The following P2RX5 variants were observed in gnomAD, a reference collection of about 807,000 sequenced individuals.
P2RX5 encodes P2X purinoceptor 5.
A neutral mutation model predicts 54.1 loss-of-function variants in P2RX5; 46 were observed. The observed-to-expected ratio is 0.85, with a 90% CI of 0.67 to 1.09. The LOEUF (loss-of-function observed/expected upper bound fraction) is 1.09, where lower values mean the gene tolerates loss of function less well. P2RX5 is among the 50% of genes least tolerant of loss of function. The pLI is 0.00. For synonymous variants in P2RX5, 226 were observed against 226.4 expected (o/e 1.00, Z 0.02); for missense variants, 566 against 549.8 (o/e 1.03, Z -0.29).
At chr17:3,692,712 C>T (rs1232815084) in intron 1 of P2RX5, among the ~76,000 whole-genome samples, 1 of 151,776 alleles carries the variant, frequency 6.6e-6, no homozygotes, top group Non-Finnish European at 1.5e-5. Context: ...CATGGTGGCA[C>T]CAGCCTGTCG....
Position 3,690,658 on chromosome 17 carries a change from G to A in P2RX5, c.383C>T (p.Ala128Val), listed in dbSNP as rs374084034. The change falls in exon 4 of 12, where the codon GCG (alanine) becomes GTG (valine). Residue 128 changes from alanine to valine, a missense_variant. Coordinates refer to ENST00000225328, the MANE Select transcript of P2RX5 (RefSeq NM_002561.4). The stretch of plus-strand genomic sequence containing the variant: ...GTGGCAGTCGCTGTCCTTGGAGCAC[G>A]CGCCATCAGGAATGCCTTCATTCTG... ...CAENEGIPDG[A>V]CSKDSDCHAG... is the part of the protein sequence containing the mutation. 4.2e-5 allele frequency: 67 copies of A among 1,613,158 alleles called. No homozygotes were observed. The highest frequency in any genetic ancestry group is 2.0e-4 in the South Asian group (18 of 91,090).
intron 11 of P2RX5, chr17:3,675,245 G>C (rs1384967837): frequency 2.1e-6 from 1 of 471,492 alleles, no homozygotes; most frequent in Non-Finnish European, 2.8e-6. Context: ...TCACCATGTT[G>C]CCCAGGCTGT....
the P2RX5 span, chr17:3,720,574 C>A: frequency 2.3e-6 from 1 of 437,690 alleles, no homozygotes; most frequent in Non-Finnish European, 4.0e-6. Flanking sequence ...TGCAGTTATT[C>A]TTCAACTTCC....
chr17:3,695,256 T>C (rs2050724854), intron 1 of P2RX5, among the ~76,000 whole-genome samples: 1 of 152,150 alleles, frequency 6.6e-6, no homozygotes, highest in Non-Finnish European at 1.5e-5. Context: ...CGCCAGCTCC[T>C]GCCAGGTGGC....
intron 9 of P2RX5, chr17:3,682,822 C>T (rs1449581512): frequency 6.6e-6 from 1 of 151,992 alleles, no homozygotes; most frequent in Non-Finnish European, 1.5e-5. Flanking sequence ...GCCAGGAGTT[C>T]GAGACCAGCC....
Position 3,690,397 on chromosome 17 carries a change from C to T in P2RX5, c.533+30G>A, listed in dbSNP as rs777363981. 4 of 1,552,362 alleles carry T rather than the reference C, an allele frequency of 2.6e-6. No individual in the cohort carries two copies. In the African/African-American group the frequency reaches 5.4e-5, roughly 21 times the overall value. ...ACCCACCGCACGGGGCTGGGAAACC[C>T]CTCAGGGTCCTGAGGCTGCAGCCAC... On this transcript the variant is annotated intron_variant, in intron 5 of 11. Transcript: ENST00000225328.
chr17:3,717,153 C>CT, the P2RX5 span: 3 of 201,076 alleles, frequency 1.5e-5, no homozygotes, highest in Non-Finnish European at 1.0e-5. Context: ...CTACACTGCT[C>CT]TATGTCCCTG....
In P2RX5 at chr17:3,679,860, TGAA is replaced by T; in HGVS notation, c.1065-79_1065-77del. 3.1e-6 allele frequency: 4 copies of T among 1,304,354 alleles called. No individual in the cohort carries two copies. In the South Asian group the frequency reaches 4.8e-5, roughly 16 times the overall value. The allele number at this position is 1,304,354 out of a possible 1,614,324, so 80.8% of individuals were successfully genotyped here. ...CCTCCTAGACGGGCGGAGTGGGCCTTGAAGAATCCCTCGCCCTGCAGGCCGCCA... is the reference window on the plus strand; with the variant it reads ...CCTCCTAGACGGGCGGAGTGGGCCTTGAATCCCTCGCCCTGCAGGCCGCCA... On this transcript the variant is annotated intron_variant, in intron 10 of 11. Transcript: ENST00000225328.
rs1050281 is a variant in P2RX5 at position 3,689,536 on chromosome 17, C to T, written c.709G>A (p.Val237Met). ...HYCPIFRLGS[V>M]IRWAGSDFQD... ...AAGTCGCTCCCGGCCCAGCGGATCA[C>T]GGAGCCCAGTCGGAAGATGGGGCAG... Residue 237 changes from valine (V) to methionine (M), a missense_variant, in exon 7 of 12, where the codon GTG becomes ATG. Val to Met is a conservative substitution (Grantham distance 21). Coordinates refer to ENST00000225328, the MANE Select transcript of P2RX5 (RefSeq NM_002561.4). 8.7e-6 allele frequency: 14 copies of T among 1,614,192 alleles called. No homozygotes were observed. The highest frequency in any genetic ancestry group is 4.5e-5 in the East Asian group (2 of 44,890).
At chr17:3,720,043 TAATC>T in the P2RX5 span, among the ~76,000 whole-genome samples, 1 of 152,150 alleles carries the variant, frequency 6.6e-6, no homozygotes, top group African/African-American at 2.4e-5. Context: ...TTTTTTTTTT[TAATC>T]AATCCATTTT....
At chr17:3,714,021 A>G in the P2RX5 span, among the ~76,000 whole-genome samples, 79,703 of 150,954 alleles carry the variant, frequency 0.53, 21,898 homozygotes, top group African/African-American at 0.64. Flanking sequence ...TCTGCCTCCC[A>G]GGTTCACGCC....
chr17:3,691,698 G>A lies in P2RX5; in HGVS notation c.234C>T (p.Thr78=). 1 of 1,614,228 alleles carries A rather than the reference G, an allele frequency of 6.2e-7. No individual in the cohort carries two copies. Residue 78 remains threonine (T), a synonymous_variant, in exon 2 of 12, where the codon ACC becomes ACT. Transcript: ENST00000225328. Reference sequence around the variant, plus strand: ...CCCAGATCCGCTGCCCAAGATCCGAGGTGTTGGTGAAGGCCACGCCCTTGA... The same window carrying A: ...CCCAGATCCGCTGCCCAAGATCCGAAGTGTTGGTGAAGGCCACGCCCTTGA... The part of the protein sequence containing the change: ...TKVKGVAFTN[T]SDLGQRIWDV...
the P2RX5 span, among the ~76,000 whole-genome samples, chr17:3,716,449 T>C: frequency 7.5e-4 from 114 of 152,316 alleles, 1 homozygote; most frequent in Admixed American, 2.7e-3. Flanking sequence ...GCCTTGAGAA[T>C]AGGGAGGTAC....
the P2RX5 span, chr17:3,720,402 A>G: frequency 4.3e-6 from 6 of 1,393,570 alleles, no homozygotes; most frequent in South Asian, 2.3e-5. Context: ...TCTTTTAGTA[A>G]CTAGAAGATG....
chr17:3,720,979 A>C, the P2RX5 span, among the ~76,000 whole-genome samples: 2 of 152,140 alleles, frequency 1.3e-5, no homozygotes, highest in African/African-American at 4.8e-5. Flanking sequence ...CCCATGCTGG[A>C]GTGCAATGGC....
At chr17:3,680,748 A>T (rs924978445) in intron 10 of P2RX5, among the ~76,000 whole-genome samples, 2,920 of 26,768 alleles carry the variant, frequency 0.11, 4 homozygotes, top group Non-Finnish European at 0.16. Context: ...TCCTCCACCC[A>T]GCGTCCTCCA....
At chr17:3,701,699 A>AAAAC in the P2RX5 span, among the ~76,000 whole-genome samples, 1 of 37,292 alleles carries the variant, frequency 2.7e-5, no homozygotes, top group African/African-American at 5.7e-5. Flanking sequence ...TGTCTCAGAA[A>AAAAC]AAAAAAAAAA....
intron 6 of P2RX5, 109 bp from the exon 7 acceptor site, chr17:3,689,739 A>G (rs2050548384): frequency 7.8e-6 from 11 of 1,407,466 alleles, no homozygotes; most frequent in Non-Finnish European, 2.0e-6. Flanking sequence ...AGCTCCCCGC[A>G]GCAACACCCC....
At chr17:3,723,736 C>T in the P2RX5 span, 1 of 1,607,006 alleles carries the variant, frequency 6.2e-7, no homozygotes, top group Non-Finnish European at 8.5e-7. Context: ...AGGTGCACAC[C>T]GTGGAGGCCT....
Sources: allele counts gnomAD v4.1 joint callset (sites outside exome capture counted in the v4.1 genomes callset), GRCh38; gene constraint gnomAD v4.1.1; transcripts MANE v1.5; gene names NCBI Gene and HGNC (gene_info 2026-07-23, HGNC 2026-07-21).